NAPG: variants seen among roughly 807,000 people sequenced by gnomAD.
The protein encoded by NAPG is gamma-soluble NSF attachment protein.
A neutral mutation model predicts 48.4 loss-of-function variants in NAPG; 25 were observed. That is an observed-to-expected ratio of 0.52 (90% CI 0.38 to 0.72). NAPG has a LOEUF of 0.72. Among genes scored for constraint, NAPG ranks in the 30% least tolerant of loss-of-function variants. The probability of loss-of-function intolerance (pLI) is 0.00; values close to 1 mark genes in which losing one functional copy is unlikely to be tolerated. For synonymous variants in NAPG, 139 were observed against 127.2 expected (o/e 1.09, Z -0.62); for missense variants, 359 against 372.5 (o/e 0.96, Z 0.30).
intron 3 of NAPG, 193 bp from the exon 4 acceptor site, chr18:10,533,343 T>TG (rs929209993): frequency 4.5e-6 from 2 of 448,078 alleles, no homozygotes; most frequent in African/African-American, 4.1e-5. Flanking sequence ...GTTTTGTTAG[T>TG]GGTTTTGGGA....
intron 5 of NAPG, among the ~76,000 whole-genome samples, chr18:10,537,489 G>A (rs1053937556): frequency 6.6e-6 from 1 of 152,144 alleles, no homozygotes; most frequent in Admixed American, 6.5e-5. Context: ...AGGAAGAGGA[G>A]GAGGAGGAAG....
At chr18:10,549,196 A>G (rs547887513) in intron 11 of NAPG, 100 bp downstream of exon 11, 1 of 1,396,816 alleles carries the variant, frequency 7.2e-7, no homozygotes, top group Non-Finnish European at 9.7e-7. Context: ...ATTTTTTCCT[A>G]CCTCTTTTTT....
chr18:10,536,956 G>GTTTTTTTTTTTTT (rs374078930), intron 5 of NAPG, among the ~76,000 whole-genome samples: 1 of 142,328 alleles, frequency 7.0e-6, no homozygotes, highest in African/African-American at 2.7e-5. Flanking sequence ...CTAATAGCCT[G>GTTTTTTTTTTTTT]TTTTTGTTTT....
chr18:10,529,839 C>A (rs920966042), intron 1 of NAPG, among the ~76,000 whole-genome samples: 29 of 152,152 alleles, frequency 1.9e-4, no homozygotes, highest in Admixed American at 1.8e-3. Flanking sequence ...CATACAGATG[C>A]CTCATCTTTC....
chr18:10,547,466 A>G (rs185016679), intron 9 of NAPG, among the ~76,000 whole-genome samples: 2 of 152,348 alleles, frequency 1.3e-5, no homozygotes, highest in African/African-American at 4.8e-5. Context: ...TCACATAAAG[A>G]CTGAAGCAAC....
chr18:10,539,977 G>A lies in NAPG; in HGVS notation c.369-11G>A. On this transcript the variant is annotated splice_polypyrimidine_tract_variant and intron_variant, in intron 6 of 11. Coordinates refer to ENST00000322897, the MANE Select transcript of NAPG (RefSeq NM_003826.3). This position sits in a 1 kb window ranked among gnomAD's most constrained non-coding sequence, Gnocchi z 4.7. Reference sequence around the variant, plus strand: ...TTTCTCATATAAGACATGTTTTCTTGTCTGATTCAGGCTTATAGAAAATGT... The same window carrying A: ...TTTCTCATATAAGACATGTTTTCTTATCTGATTCAGGCTTATAGAAAATGT... 6.2e-7 allele frequency: 1 copy of A among 1,604,976 alleles called. No homozygotes were observed. Among genetic ancestry groups the A allele is most frequent in the Non-Finnish European group, 8.5e-7 (1 of 1,175,024 alleles).
At chr18:10,527,202 AAAAG>A (rs1482977996) in intron 1 of NAPG, among the ~76,000 whole-genome samples, 2 of 123,312 alleles carry the variant, frequency 1.6e-5, no homozygotes, top group Admixed American at 8.3e-5. Context: ...AAAAAAAAAA[AAAAG>A]AAAAGAAAAA....
Position 10,538,373 on chromosome 18 carries a change from T to C in NAPG, c.259-1389T>C, listed in dbSNP as rs561838973. 6.6e-5 allele frequency among the ~76,000 whole-genome samples: 10 copies of C among 152,326 alleles called. No homozygotes were observed. In the East Asian group the frequency reaches 1.9e-3, roughly 29 times the overall value. On this transcript the variant is annotated intron_variant, in intron 5 of 11. Transcript: ENST00000322897. ...TTGCCATACAGGGATGCAAGCCTGCTGATGCCGTAGCTTTTGATATTTTTT... is the reference window on the plus strand; with the variant it reads ...TTGCCATACAGGGATGCAAGCCTGCCGATGCCGTAGCTTTTGATATTTTTT...
intron 5 of NAPG, among the ~76,000 whole-genome samples, chr18:10,538,260 G>T (rs1235310838): frequency 6.6e-6 from 1 of 152,178 alleles, no homozygotes; most frequent in Non-Finnish European, 1.5e-5. Flanking sequence ...CAGCTGGGAC[G>T]TGGAGGGCAT....
chr18:10,532,955 T>C, intron 3 of NAPG, 160 bp downstream of exon 3: 1 of 627,772 alleles, frequency 1.6e-6, no homozygotes, highest in South Asian at 2.4e-5. Flanking sequence ...AAGGAGCGTT[T>C]ATAATGAAGT....
chr18:10,548,459 T>A lies in NAPG; in HGVS notation c.665+81T>A. The A allele has an allele frequency of 9.1e-7, 1 of 1,097,286 alleles. No homozygotes were observed. Among genetic ancestry groups the A allele is most frequent in the Non-Finnish European group, 1.4e-6 (1 of 725,662 alleles). 68.0% of individuals were successfully genotyped at this position (1,097,286 alleles called of 1,614,324 possible). A position where few individuals can be genotyped will look rare whatever the true frequency, so the allele number is the denominator to read the frequency against. On this transcript the variant is annotated intron_variant, in intron 10 of 11. Coordinates refer to ENST00000322897, the MANE Select transcript of NAPG (RefSeq NM_003826.3). The surrounding 1 kb of genome is among the most constrained non-coding windows in gnomAD (Gnocchi z 4.4). Reference sequence around the variant, plus strand: ...ACTAAGATTGCTGCTAGGACACATGTTCCTGGCCATGAAACTGTCATTTCT... The same window carrying A: ...ACTAAGATTGCTGCTAGGACACATGATCCTGGCCATGAAACTGTCATTTCT...
At chr18:10,537,389 G>T (rs1011718050) in intron 5 of NAPG, among the ~76,000 whole-genome samples, 1 of 152,322 alleles carries the variant, frequency 6.6e-6, no homozygotes, top group Non-Finnish European at 1.5e-5. Flanking sequence ...TCGTAAGGAA[G>T]AGAAAATATA....
Position 10,548,253 on chromosome 18 carries a change from T to C in NAPG, c.586-46T>C, listed in dbSNP as rs373884422. 4 of 1,430,438 alleles carry C rather than the reference T, an allele frequency of 2.8e-6. No homozygotes were observed. In the South Asian group the frequency reaches 4.6e-5, roughly 16 times the overall value. The allele number at this position is 1,430,438 out of a possible 1,614,324, so 88.6% of individuals were successfully genotyped here. On this transcript the variant is annotated intron_variant, in intron 9 of 11. Coordinates refer to ENST00000322897, the MANE Select transcript of NAPG (RefSeq NM_003826.3). The surrounding 1 kb of genome is among the most constrained non-coding windows in gnomAD (Gnocchi z 4.4). ...TTCAATACTGCCAGGTTATTGACTT[T>C]ATTAAACAGATGTAAATTTGACCAT...
chr18:10,538,406 A>G (rs2032079747), intron 5 of NAPG, among the ~76,000 whole-genome samples: 1 of 152,192 alleles, frequency 6.6e-6, no homozygotes, highest in Non-Finnish European at 1.5e-5. Context: ...TTTTGAAGAA[A>G]GCCATAAAAC....
chr18:10,547,918 C>T (rs1030012056), intron 9 of NAPG, among the ~76,000 whole-genome samples: 11 of 152,136 alleles, frequency 7.2e-5, no homozygotes, highest in Non-Finnish European at 1.5e-4. Context: ...GGGTCCCCCC[C>T]ACTTCTTTTT....
Position 10,540,303 on chromosome 18 carries a change from C to T in NAPG, c.436-26C>T, listed in dbSNP as rs745730053. Reference sequence around the variant, plus strand: ...AACATTTCAACATTAAAGCAGCCAACACTTGTTTTTCTTTGATTCCTTCAG... The same window carrying T: ...AACATTTCAACATTAAAGCAGCCAATACTTGTTTTTCTTTGATTCCTTCAG... On this transcript the variant is annotated intron_variant, in intron 7 of 11. Transcript: ENST00000322897. The T allele has an allele frequency of 3.8e-6, 6 of 1,597,302 alleles. No individual in the cohort carries two copies. In the African/African-American group the frequency reaches 5.4e-5, roughly 14 times the overall value.
chr18:10,552,635 G>A lies in NAPG; in HGVS notation c.*2415G>A, dbSNP rs539340927. 3 of 152,144 alleles carry A rather than the reference G, an allele frequency of 2.0e-5. No homozygotes were observed. Among genetic ancestry groups the A allele is most frequent in the African/African-American group, 7.2e-5 (3 of 41,414 alleles). The allele number at this position is 152,144 out of a possible 1,614,324, so 9.4% of individuals were successfully genotyped here. ...TACATATGCAGAGTACGGTATTTCT[G>A]TATGGAATCTGCTTTATTCCTATTT... is the stretch of plus-strand genomic sequence containing the variant. On this transcript the variant is annotated 3_prime_UTR_variant, in exon 12 of 12. Coordinates refer to ENST00000322897, the MANE Select transcript of NAPG (RefSeq NM_003826.3).
chr18:10,533,504 T>C, intron 3 of NAPG, 32 bp from the exon 4 acceptor site: 2 of 1,583,724 alleles, frequency 1.3e-6, no homozygotes, highest in East Asian at 2.3e-5. Context: ...TTTTCTTTTT[T>C]CCTTAACTTT....
intron 8 of NAPG, among the ~76,000 whole-genome samples, chr18:10,545,233 A>G (rs1430965545): frequency 2.0e-5 from 3 of 151,878 alleles, no homozygotes; most frequent in African/African-American, 7.3e-5. Context: ...AATCACTTGA[A>G]CCCGGGAGGC....
Sources: allele counts gnomAD v4.1 joint callset (sites outside exome capture counted in the v4.1 genomes callset), GRCh38; gene constraint gnomAD v4.1.1; non-coding constraint Gnocchi (gnomAD v3.1); transcripts MANE v1.5; gene names NCBI Gene and HGNC (gene_info 2026-07-23, HGNC 2026-07-21).